Variants in EFHD1 observed in about 807,000 individuals in gnomAD.
EFHD1 encodes EF-hand domain family member D1.
Under a neutral mutation model 17.2 loss-of-function variants are expected in EFHD1, and 10 were observed. That is an observed-to-expected ratio of 0.58 (90% confidence interval 0.36 to 0.99). EFHD1 has a LOEUF of 0.99. Ranked by LOEUF, EFHD1 falls within the 50% of genes least tolerant of loss-of-function variation. The probability of loss-of-function intolerance (pLI) is 0.01; values close to 1 mark genes in which losing one functional copy is unlikely to be tolerated. For synonymous variants in EFHD1, 153 were observed against 142.0 expected (o/e 1.08, Z -0.55); for missense variants, 310 against 327.5 (o/e 0.95, Z 0.41).
chr2:232,636,805 A>G (rs1486878777), intron 1 of EFHD1, among the ~76,000 whole-genome samples: 1 of 152,234 alleles, frequency 6.6e-6, no homozygotes, highest in Non-Finnish European at 1.5e-5. Flanking sequence ...CCTGGGCAAC[A>G]GAGTGCGACT....
chr2:232,634,279 C>G (rs987317826), intron 1 of EFHD1, among the ~76,000 whole-genome samples: 32 of 151,960 alleles, frequency 2.1e-4, no homozygotes, highest in African/African-American at 7.0e-4. Context: ...CCCCCAACCC[C>G]GACCACTGGT....
At chr2:232,667,523 AT>A (rs1342988706) in intron 2 of EFHD1, among the ~76,000 whole-genome samples, 1 of 150,930 alleles carries the variant, frequency 6.6e-6, no homozygotes, top group African/African-American at 2.5e-5. Context: ...ATCTTATTTT[AT>A]TTTAATTAAT....
rs574463524 is a variant in EFHD1 at position 232,648,888 on chromosome 2, T to G, written c.303-13914T>G. ...TCTGTGTGAAGAGAAGAAGGTACTC[T>G]TGTGTCCTGGTGTCCCTGAGATGCA... On this transcript the variant is annotated intron_variant, in intron 1 of 3. Coordinates refer to ENST00000264059, the MANE Select transcript of EFHD1 (RefSeq NM_025202.4). Among the ~76,000 whole-genome samples the G allele has an allele frequency of 7.2e-5, 11 of 152,262 alleles. No individual in the cohort carries two copies. In the South Asian group the frequency reaches 2.1e-3, roughly 29 times the overall value.
exon 1 of EFHD1, chr2:232,606,063 T>G: frequency 7.2e-7 from 1 of 1,394,460 alleles, no homozygotes; most frequent in Non-Finnish European, 1.0e-6. Context: ...CCCCGCTAAG[T>G]GCAGGCGGAT....
intron 1 of EFHD1, 138 bp from the exon 2 acceptor site, chr2:232,662,664 G>C (rs188812160): frequency 8.7e-7 from 1 of 1,150,368 alleles, no homozygotes; most frequent in Non-Finnish European, 1.2e-6. Context: ...GGTTCCTCTG[G>C]AGCAGGTGAC....
chr2:232,681,731 T>C lies in EFHD1; in HGVS notation c.*12T>C. On this transcript the variant is annotated 3_prime_UTR_variant, in exon 4 of 4. Coordinates refer to ENST00000264059, the MANE Select transcript of EFHD1 (RefSeq NM_025202.4). ...ACTTCAATACATAGTCCTGCTGACC[T>C]TGCCCTCTGCCCACAGCTGTGCCTC... 6.2e-7 allele frequency: 1 copy of C among 1,612,568 alleles called. No individual in the cohort carries two copies. The highest frequency in any genetic ancestry group is 8.5e-7 in the Non-Finnish European group (1 of 1,179,274).
intron 2 of EFHD1, among the ~76,000 whole-genome samples, chr2:232,665,547 G>A (rs1429243297): frequency 6.6e-6 from 1 of 152,020 alleles, no homozygotes; most frequent in African/African-American, 2.4e-5. Context: ...TCAGCCTCCT[G>A]AGTAGCTGGG....
At chr2:232,679,018 C>T (rs760257754) in intron 3 of EFHD1, among the ~76,000 whole-genome samples, 1 of 152,050 alleles carries the variant, frequency 6.6e-6, no homozygotes, top group Non-Finnish European at 1.5e-5. Flanking sequence ...GTGTGAAGTG[C>T]GCCTTCCTCC....
At chr2:232,606,076 C>G in exon 1 of EFHD1, 1 of 1,475,436 alleles carries the variant, frequency 6.8e-7, no homozygotes, top group African/African-American at 1.4e-5. Context: ...AGGCGGATAC[C>G]CCGGCCTTGG....
intron 2 of EFHD1, among the ~76,000 whole-genome samples, chr2:232,664,616 T>TG (rs1378149321): frequency 1.5e-5 from 2 of 136,276 alleles, no homozygotes; most frequent in African/African-American, 5.5e-5. Context: ...GTTTTTTTTT[T>TG]TTTTTTTTTT....
Position 232,660,405 on chromosome 2 carries a change from A to G in EFHD1, c.303-2397A>G, listed in dbSNP as rs564756473. Among the ~76,000 whole-genome samples, 36 of 152,008 alleles carry G rather than the reference A, an allele frequency of 2.4e-4. No homozygotes were observed. In the South Asian group the frequency reaches 5.6e-3, roughly 24 times the overall value. On this transcript the variant is annotated intron_variant, in intron 1 of 3. Coordinates refer to ENST00000264059, the MANE Select transcript of EFHD1 (RefSeq NM_025202.4). ...GAGATGGGATTTCACCGTGTTAGCCAGGATGGTCTCGATCTTGTTCTCCTG... is the reference window on the plus strand; with the variant it reads ...GAGATGGGATTTCACCGTGTTAGCCGGGATGGTCTCGATCTTGTTCTCCTG...
intron 1 of EFHD1, among the ~76,000 whole-genome samples, chr2:232,627,036 C>CTCTCTATATA (rs1242284297): frequency 5.3e-5 from 6 of 112,708 alleles, no homozygotes; most frequent in East Asian, 2.8e-4. Context: ...CTCTCTCTCT[C>CTCTCTATATA]TATATATATA....
chr2:232,633,917 G>A lies in EFHD1; in HGVS notation c.213G>A (p.Arg71=). The change falls in exon 1 of 4, where the codon CGG becomes CGA. Residue 71 remains arginine (R), a synonymous_variant. Coordinates refer to ENST00000264059, the MANE Select transcript of EFHD1 (RefSeq NM_025202.4). The stretch of plus-strand genomic sequence containing the variant: ...TGGACATCAACGAGGGCGCTGCGCG[G>A]CCCCGGCGCTGCAGGGTCTTCAACC... The part of the protein sequence containing the change: ...RRLDINEGAA[R]PRRCRVFNPY... The A allele has an allele frequency of 1.3e-6, 2 of 1,586,948 alleles. No individual in the cohort carries two copies. The highest frequency in any genetic ancestry group is 1.7e-6 in the Non-Finnish European group (2 of 1,175,164).
rs56085382 is a variant in EFHD1, at chr2:232,627,064, A to ATTTT, written c.14+20903_14+20906dup. Among the ~76,000 whole-genome samples, 41 of 92,218 alleles carry ATTTT rather than the reference A, an allele frequency of 4.4e-4. 1 individual carries two copies. Among genetic ancestry groups the ATTTT allele is most frequent in the Non-Finnish European group, 7.5e-4 (37 of 49,080 alleles). The allele number at this position is 92,218 out of a possible 152,430, so 60.5% of individuals were successfully genotyped here. A position where few individuals can be genotyped will look rare whatever the true frequency, so the allele number is the denominator to read the frequency against. On this transcript the variant is annotated intron_variant, in intron 1 of 3. Transcript: ENST00000409613. ...TATATATATATATATATATATATATATTTTTTTTTTTTTTTAATTAGCCAG... is the reference window on the plus strand; with the variant it reads ...TATATATATATATATATATATATATATTTTTTTTTTTTTTTTTTTAATTAGCCAG...
At chr2:232,648,817 G>A (rs748186932) in intron 1 of EFHD1, among the ~76,000 whole-genome samples, 10 of 152,144 alleles carry the variant, frequency 6.6e-5, no homozygotes, top group South Asian at 2.1e-4. Context: ...TGGGGCCAGC[G>A]CCTGGCTGTT....
upstream of EFHD1, among the ~76,000 whole-genome samples, chr2:232,631,889 G>C (rs1018012154): frequency 1.3e-5 from 2 of 151,534 alleles, no homozygotes; most frequent in African/African-American, 4.9e-5. Context: ...TGTAATCCCA[G>C]CTACTCAGGA....
chr2:232,671,378 G>T (rs567362625), intron 2 of EFHD1, among the ~76,000 whole-genome samples: 1 of 152,196 alleles, frequency 6.6e-6, no homozygotes, highest in South Asian at 2.1e-4. Context: ...GGTCAAGGTT[G>T]CAGTGAGCTA....
At chr2:232,661,102 C>T (rs531239703) in intron 1 of EFHD1, among the ~76,000 whole-genome samples, 4 of 151,816 alleles carry the variant, frequency 2.6e-5, no homozygotes, top group East Asian at 3.9e-4. Flanking sequence ...GAGCAGAGAT[C>T]GTGCAGCTTC....
intron 1 of EFHD1, among the ~76,000 whole-genome samples, chr2:232,613,725 CACAT>C (rs1248406737): frequency 1.3e-5 from 2 of 151,450 alleles, no homozygotes; most frequent in Admixed American, 6.6e-5. Flanking sequence ...AATATACACA[CACAT>C]ATACGCACAC....
Sources: gnomAD v4.1 joint callset for allele counts (sites outside exome capture counted in the v4.1 genomes callset) on GRCh38, gnomAD v4.1.1 for gene constraint, MANE v1.5 for transcripts, NCBI Gene and HGNC (gene_info 2026-07-23, HGNC 2026-07-21) for gene names.